The following CCDC148 variants were observed in gnomAD, a reference collection of about 807,000 sequenced individuals.
The protein encoded by CCDC148 is coiled-coil domain-containing protein 148.
A neutral mutation model predicts 85.7 loss-of-function variants in CCDC148; 89 were observed. That is an observed-to-expected ratio of 1.04 (90% CI 0.87 to 1.24). The LOEUF is 1.24. CCDC148 is among the 50% of genes most tolerant of loss of function. The pLI, the probability that CCDC148 is intolerant of heterozygous loss-of-function variation, is 0.00. For synonymous variants in CCDC148, 230 were observed against 213.9 expected, an observed-to-expected ratio of 1.08 and a Z score of -0.66; for missense variants, 692 against 671.7, an observed-to-expected ratio of 1.03 and a Z score of -0.33.
intron 10 of CCDC148, among the ~76,000 whole-genome samples, chr2:158,228,024 T>A (rs1687643676): frequency 6.6e-6 from 1 of 152,080 alleles, no homozygotes; most frequent in Non-Finnish European, 1.5e-5. Flanking sequence ...ACAGACAACC[T>A]ACAGAATGGG....
At chr2:158,435,246 A>G (rs1224683285) in intron 1 of CCDC148, among the ~76,000 whole-genome samples, 1 of 152,240 alleles carries the variant, frequency 6.6e-6, no homozygotes, top group Non-Finnish European at 1.5e-5. Flanking sequence ...GGTTACCCAC[A>G]AAGGGAAGCC....
chr2:158,356,468 A>C (rs1683640620), intron 2 of CCDC148, among the ~76,000 whole-genome samples: 2 of 151,486 alleles, frequency 1.3e-5, no homozygotes, highest in Non-Finnish European at 3.0e-5. Context: ...CAGCCAAAAA[A>C]CACATGAAAA....
At chr2:158,312,564 G>GAA (rs397725666) in intron 8 of CCDC148, among the ~76,000 whole-genome samples, 1 of 120,348 alleles carries the variant, frequency 8.3e-6, no homozygotes, top group East Asian at 2.8e-4. Flanking sequence ...CCTGGCGACA[G>GAA]TGAGAATCCA....
intron 9 of CCDC148, among the ~76,000 whole-genome samples, chr2:158,305,982 T>C (rs981802907): frequency 4.6e-5 from 7 of 152,158 alleles, no homozygotes; most frequent in East Asian, 3.8e-4. Context: ...AAATGCATTA[T>C]GCTAAGTGAA....
chr2:158,345,768 A>T (rs965889442), intron 2 of CCDC148, among the ~76,000 whole-genome samples: 5 of 152,196 alleles, frequency 3.3e-5, no homozygotes, highest in Admixed American at 6.5e-5. Context: ...TATAAAGCTC[A>T]TAAATATCAG....
rs1398938042 is a variant in CCDC148, at chr2:158,428,959, A to G, written c.25+27456T>C. Reference sequence around the variant, plus strand: ...CACCATGGAATACTATGCAGCCATAAAAAAGGATGAGTTCATGTCCTTTGT... The same window carrying G: ...CACCATGGAATACTATGCAGCCATAGAAAAGGATGAGTTCATGTCCTTTGT... On this transcript the variant is annotated intron_variant, in intron 1 of 13. Coordinates refer to ENST00000283233, the MANE Select transcript of CCDC148 (RefSeq NM_138803.4). Among the ~76,000 whole-genome samples the G allele has an allele frequency of 3.3e-5, 5 of 152,266 alleles. No individual in the cohort carries two copies. The South Asian group carries it at 8.3e-4, about 25-fold the overall frequency.
chr2:158,198,428 G>A (rs529511683), intron 11 of CCDC148, among the ~76,000 whole-genome samples: 2 of 152,238 alleles, frequency 1.3e-5, no homozygotes, highest in African/African-American at 2.4e-5. Context: ...TCAGACTAGA[G>A]GCCAGTGTAT....
chr2:158,348,456 G>A (rs1481200678), intron 2 of CCDC148, among the ~76,000 whole-genome samples: 1 of 151,438 alleles, frequency 6.6e-6, no homozygotes, highest in Non-Finnish European at 1.5e-5. Flanking sequence ...AAAGTATAAT[G>A]TACAGACCAT....
intron 9 of CCDC148, among the ~76,000 whole-genome samples, chr2:158,293,856 T>C (rs1362577677): frequency 6.6e-6 from 1 of 151,904 alleles, no homozygotes; most frequent in Non-Finnish European, 1.5e-5. Context: ...ATAGACTGCA[T>C]TGCTCAGCTT....
At chr2:158,253,262 A>AAT (rs1393818293) in intron 9 of CCDC148, among the ~76,000 whole-genome samples, 1 of 151,658 alleles carries the variant, frequency 6.6e-6, no homozygotes, top group Non-Finnish European at 1.5e-5. Flanking sequence ...ATAGAATCTA[A>AAT]ATAATTTAGT....
At chr2:158,374,252 C>CAT (rs1240214606) in intron 1 of CCDC148, among the ~76,000 whole-genome samples, 2 of 152,008 alleles carry the variant, frequency 1.3e-5, no homozygotes, top group African/African-American at 4.8e-5. Flanking sequence ...TGCCCCAGAC[C>CAT]AGCTACTCAG....
chr2:158,423,943 C>T lies in CCDC148; in HGVS notation c.25+32472G>A, dbSNP rs1017688440. The stretch of plus-strand genomic sequence containing the variant: ...GACACTTCTCAAAAGAAGACATTTA[C>T]GCAGTCAGCAGACCATGAAAAAATG... On this transcript the variant is annotated intron_variant, in intron 1 of 13. Transcript: ENST00000283233. 5.9e-5 allele frequency among the ~76,000 whole-genome samples: 9 copies of T among 152,206 alleles called. No individual in the cohort carries two copies. In the East Asian group the frequency reaches 1.2e-3, roughly 20 times the overall value.
At chr2:158,333,008 A>T (rs1693224720) in intron 7 of CCDC148, among the ~76,000 whole-genome samples, 1 of 151,972 alleles carries the variant, frequency 6.6e-6, no homozygotes, top group African/African-American at 2.4e-5. Context: ...ATTTTTTTGA[A>T]GGGTTTTTCT....
At chr2:158,215,922 AT>A (rs1234255116) in intron 11 of CCDC148, among the ~76,000 whole-genome samples, 1 of 152,118 alleles carries the variant, frequency 6.6e-6, no homozygotes, top group African/African-American at 2.4e-5. Flanking sequence ...AGAAGGCCCC[AT>A]TCTGCAAGCC....
chr2:158,450,693 T>G (rs1362542584), intron 1 of CCDC148, among the ~76,000 whole-genome samples: 1 of 152,208 alleles, frequency 6.6e-6, no homozygotes, highest in African/African-American at 2.4e-5. Context: ...GATTCCCTTG[T>G]GTAAAATGAG....
At chr2:158,246,224 G>A (rs1400198468) in intron 10 of CCDC148, among the ~76,000 whole-genome samples, 1 of 152,178 alleles carries the variant, frequency 6.6e-6, no homozygotes, top group African/African-American at 2.4e-5. Context: ...GGAAAACAGA[G>A]CACCAGCTAC....
At chr2:158,364,731 C>T (rs1002984949) in intron 1 of CCDC148, among the ~76,000 whole-genome samples, 9 of 152,144 alleles carry the variant, frequency 5.9e-5, no homozygotes, top group African/African-American at 1.9e-4. Flanking sequence ...CTAGGTAATA[C>T]CATTCAGGAC....
chr2:158,371,093 A>C (rs9288713), intron 1 of CCDC148, among the ~76,000 whole-genome samples: 27,770 of 151,876 alleles, frequency 0.18, 4,262 homozygotes, highest in African/African-American at 0.42. Flanking sequence ...TAGCTATTTT[A>C]CTATATTCTG....
chr2:158,242,441 A>G (rs966539378), intron 10 of CCDC148, among the ~76,000 whole-genome samples: 1 of 152,168 alleles, frequency 6.6e-6, no homozygotes, highest in African/African-American at 2.4e-5. Flanking sequence ...AATAGCACAC[A>G]GACACAAACA....
Sources: allele counts gnomAD v4.1 joint callset (sites outside exome capture counted in the v4.1 genomes callset), GRCh38; gene constraint gnomAD v4.1.1; transcripts MANE v1.5; gene names NCBI Gene and HGNC (gene_info 2026-07-23, HGNC 2026-07-21).